The following B4GALT6 variants were observed in gnomAD, a reference collection of about 807,000 sequenced individuals.
B4GALT6 encodes beta-1,4-galactosyltransferase 6.
B4GALT6 carries 14 observed loss-of-function variants against 46.3 expected under a neutral mutation model. The observed-to-expected ratio is 0.30, with a 90% CI of 0.20 to 0.47. B4GALT6 has a LOEUF of 0.47. Among genes scored for constraint, B4GALT6 ranks in the 20% least tolerant of loss-of-function variants. The pLI is 0.99. For synonymous variants in B4GALT6, 168 were observed against 162.0 expected, an observed-to-expected ratio of 1.04 and a Z score of -0.28; for missense variants, 386 against 480.1, an observed-to-expected ratio of 0.80 and a Z score of 1.83.
At chr18:31,640,526 G>C (rs974741474) in intron 4 of B4GALT6, among the ~76,000 whole-genome samples, 1 of 152,140 alleles carries the variant, frequency 6.6e-6, no homozygotes, top group Non-Finnish European at 1.5e-5. Flanking sequence ...AAAAACAAGA[G>C]ACAATGGCTG....
At chr18:31,631,729 T>A (rs2073794498) in intron 5 of B4GALT6, among the ~76,000 whole-genome samples, 1 of 152,186 alleles carries the variant, frequency 6.6e-6, no homozygotes, top group Non-Finnish European at 1.5e-5. Context: ...GACCCTTCTC[T>A]AAAGTACCAA....
intron 6 of B4GALT6, among the ~76,000 whole-genome samples, chr18:31,629,676 C>T (rs1322170475): frequency 1.3e-5 from 2 of 149,120 alleles, no homozygotes; most frequent in Non-Finnish European, 1.5e-5. Context: ...AGTGAAACCC[C>T]GTCTCTACTA....
At chr18:31,631,311 C>T (rs1003512835) in intron 5 of B4GALT6, among the ~76,000 whole-genome samples, 165 bp from the exon 6 acceptor site, 2 of 151,948 alleles carry the variant, frequency 1.3e-5, no homozygotes, top group African/African-American at 4.8e-5. Flanking sequence ...CTCAGCCTCC[C>T]AAGGTGCTGG....
At chr18:31,723,067 A>C in the B4GALT6 span, among the ~76,000 whole-genome samples, 1 of 152,244 alleles carries the variant, frequency 6.6e-6, no homozygotes, top group African/African-American at 2.4e-5. Flanking sequence ...TATGAAAACT[A>C]CATTTTTGAA....
chr18:31,721,261 G>T, the B4GALT6 span, among the ~76,000 whole-genome samples: 10 of 152,192 alleles, frequency 6.6e-5, no homozygotes, highest in African/African-American at 2.4e-4. Context: ...GGTGAAGCAA[G>T]CCAACATGGC....
intron 3 of B4GALT6, among the ~76,000 whole-genome samples, chr18:31,651,926 A>C (rs559864885): frequency 6.6e-6 from 1 of 151,948 alleles, no homozygotes; most frequent in East Asian, 1.9e-4. Flanking sequence ...GCCCGCCACC[A>C]CGCCCAGCTA....
chr18:31,633,096 C>G (rs1054666510), intron 5 of B4GALT6, among the ~76,000 whole-genome samples: 13 of 152,244 alleles, frequency 8.5e-5, no homozygotes, highest in African/African-American at 3.1e-4. Context: ...AGTCTACTCT[C>G]ACATTTGTCA....
chr18:31,711,914 ATT>A, the B4GALT6 span, among the ~76,000 whole-genome samples: 1 of 152,166 alleles, frequency 6.6e-6, no homozygotes, highest in Admixed American at 6.5e-5. Context: ...TTCACCAGTC[ATT>A]GTCTATCTCC....
upstream of B4GALT6, among the ~76,000 whole-genome samples, chr18:31,685,502 C>G (rs1158463079): frequency 6.6e-6 from 1 of 151,616 alleles, no homozygotes; most frequent in African/African-American, 2.4e-5. Context: ...CCGAGGAAAC[C>G]TGGAGGTCCC....
chr18:31,694,280 G>A, the B4GALT6 span, among the ~76,000 whole-genome samples: 2 of 152,214 alleles, frequency 1.3e-5, no homozygotes, highest in African/African-American at 2.4e-5. Context: ...TCAGGAAGAT[G>A]TAAACAGGAA....
chr18:31,631,197 CA>C (rs2073784497), intron 5 of B4GALT6, 51 bp from the exon 6 acceptor site: 6 of 1,091,528 alleles, frequency 5.5e-6, no homozygotes, highest in African/African-American at 4.5e-5. Flanking sequence ...CACACTTCAT[CA>C]TCTTTTTTTT....
At chr18:31,705,135 A>G in the B4GALT6 span, among the ~76,000 whole-genome samples, 1 of 152,174 alleles carries the variant, frequency 6.6e-6, no homozygotes, top group Non-Finnish European at 1.5e-5. Flanking sequence ...ACTCAAATTC[A>G]TGTCTTTTTA....
intron 3 of B4GALT6, among the ~76,000 whole-genome samples, chr18:31,653,981 T>C (rs569964200): frequency 2.4e-4 from 37 of 152,322 alleles, no homozygotes; most frequent in African/African-American, 8.2e-4. Context: ...TATTTGAGCT[T>C]TGCTGACGTT....
the B4GALT6 span, among the ~76,000 whole-genome samples, chr18:31,717,748 A>G: frequency 1.3e-5 from 2 of 152,118 alleles, no homozygotes; most frequent in African/African-American, 4.8e-5. Context: ...GGAGTTCAGG[A>G]GTTCGAGACC....
intron 3 of B4GALT6, among the ~76,000 whole-genome samples, chr18:31,648,302 C>A (rs2074017827): frequency 6.6e-6 from 1 of 152,170 alleles, no homozygotes; most frequent in South Asian, 2.1e-4. Context: ...TGACTGAAAT[C>A]CATTTACCCA....
chr18:31,702,372 A>G, the B4GALT6 span, among the ~76,000 whole-genome samples: 1 of 152,222 alleles, frequency 6.6e-6, no homozygotes, highest in African/African-American at 2.4e-5. Flanking sequence ...GTGACTGGAA[A>G]CAACCTAATT....
intron 5 of B4GALT6, among the ~76,000 whole-genome samples, chr18:31,632,061 T>C (rs1372269047): frequency 6.6e-6 from 1 of 152,170 alleles, no homozygotes; most frequent in Non-Finnish European, 1.5e-5. Context: ...TCATTCTGCA[T>C]ATAAAGAAAA....
At chr18:31,688,086 G>A (rs2029987837), upstream of B4GALT6, among the ~76,000 whole-genome samples, 1 of 151,886 alleles carries the variant, frequency 6.6e-6, no homozygotes, top group Non-Finnish European at 1.5e-5. Context: ...AATTATATCT[G>A]TTTAAATGCA....
the B4GALT6 span, among the ~76,000 whole-genome samples, chr18:31,697,473 T>C: frequency 8.1e-6 from 1 of 123,886 alleles, no homozygotes; most frequent in Admixed American, 8.4e-5. Context: ...GGGTCGGGGG[T>C]GGGTTGAGAA....
Sources: gnomAD v4.1 joint callset for allele counts (sites outside exome capture counted in the v4.1 genomes callset) on GRCh38, gnomAD v4.1.1 for gene constraint, MANE v1.5 for transcripts, NCBI Gene and HGNC (gene_info 2026-07-23, HGNC 2026-07-21) for gene names.